The following CAMTA1 variants were observed in gnomAD, a reference collection of about 807,000 sequenced individuals.
CAMTA1 encodes calmodulin-binding transcription activator 1.
CAMTA1 carries 27 observed loss-of-function variants against 170.9 expected under a neutral mutation model. That is an observed-to-expected ratio of 0.16 (90% CI 0.12 to 0.22). The LOEUF (loss-of-function observed/expected upper bound fraction) is 0.22. Among genes scored for constraint, CAMTA1 ranks in the 10% least tolerant of loss-of-function variants. The probability of loss-of-function intolerance (pLI) is 1.00; values close to 1 mark genes in which losing one functional copy is unlikely to be tolerated. For missense variants in CAMTA1, 1,619 were observed against 2,217.2 expected (o/e 0.73, Z 5.42); for synonymous variants, 833 against 891.5 (o/e 0.93, Z 1.17).
intron 6 of CAMTA1, among the ~76,000 whole-genome samples, chr1:7,578,995 C>T (rs1229369985): frequency 1.3e-5 from 2 of 152,224 alleles, no homozygotes; most frequent in African/African-American, 4.8e-5. Flanking sequence ...ACTACCCCTG[C>T]TCCAGGGAGC....
intron 3 of CAMTA1, among the ~76,000 whole-genome samples, chr1:7,019,056 G>T (rs569242785): frequency 6.6e-6 from 1 of 152,208 alleles, no homozygotes; most frequent in Admixed American, 6.5e-5. Flanking sequence ...GTGGATGCCC[G>T]CATGCCTTTG....
At chr1:7,390,274 C>T (rs2088544821) in intron 5 of CAMTA1, among the ~76,000 whole-genome samples, 1 of 152,182 alleles carries the variant, frequency 6.6e-6, no homozygotes. Context: ...ACACAACCCG[C>T]CCAGGGTGCC....
chr1:6,806,226 A>G (rs77821367), intron 1 of CAMTA1, among the ~76,000 whole-genome samples: 26 of 152,320 alleles, frequency 1.7e-4, no homozygotes, highest in South Asian at 8.3e-4. Context: ...CTATATGTCT[A>G]TCTTTGTGCC....
In CAMTA1 at chr1:7,310,647, T is replaced by TTCTTTC. The variant is rs1553129423; in HGVS notation, c.438+61022_438+61023insCTTTCT. On this transcript the variant is annotated intron_variant, in intron 5 of 22. Coordinates refer to ENST00000303635, the MANE Select transcript of CAMTA1 (RefSeq NM_015215.4). ...TTCTTTCTTTCTTTCTTTCTTTCTT[T>TTCTTTC]TTTCTTTCTTTCTTTCTTTCTTTCC... is the stretch of plus-strand genomic sequence containing the variant. Among the ~76,000 whole-genome samples, 105 of 49,174 alleles carry TTCTTTC rather than the reference T, an allele frequency of 2.1e-3. 4 individuals are homozygous for TTCTTTC. The highest frequency in any genetic ancestry group is 8.1e-3 in the African/African-American group (102 of 12,572). 32.3% of individuals were successfully genotyped at this position (49,174 alleles called of 152,430 possible).
intron 3 of CAMTA1, among the ~76,000 whole-genome samples, chr1:6,921,059 T>C (rs1435693111): frequency 6.6e-6 from 1 of 152,262 alleles, no homozygotes. Flanking sequence ...AAAATGGGAT[T>C]TTCTTTTCAA....
rs56182115 is a variant in CAMTA1 at position 7,501,618 on chromosome 1, GT to G, written c.510+33727del. 4.0e-5 allele frequency among the ~76,000 whole-genome samples: 6 copies of G among 149,530 alleles called. No homozygotes were observed. In the East Asian group the frequency reaches 5.9e-4, roughly 15 times the overall value. ...ACTTTTGAAATTCGGATAAACAACAGTTTTTTTTTTATTTTAGTCTAGGTAT... is the reference window on the plus strand; with the variant it reads ...ACTTTTGAAATTCGGATAAACAACAGTTTTTTTTTATTTTAGTCTAGGTAT... On this transcript the variant is annotated intron_variant, in intron 6 of 22. Transcript: ENST00000303635.
At chr1:7,667,707 C>T (rs995697836) in intron 9 of CAMTA1, among the ~76,000 whole-genome samples, 3 of 152,180 alleles carry the variant, frequency 2.0e-5, no homozygotes, top group Non-Finnish European at 2.9e-5. Flanking sequence ...TTCAGCAGCT[C>T]GCCACACGAG....
intron 4 of CAMTA1, among the ~76,000 whole-genome samples, chr1:7,220,963 C>T (rs1660643241): frequency 6.6e-6 from 1 of 152,222 alleles, no homozygotes; most frequent in East Asian, 1.9e-4. Flanking sequence ...GGAGGTCTCC[C>T]TCCCACCTGG....
intron 5 of CAMTA1, among the ~76,000 whole-genome samples, chr1:7,322,046 C>T (rs1325851390): frequency 6.6e-6 from 1 of 152,122 alleles, no homozygotes; most frequent in East Asian, 1.9e-4. Context: ...CTTCTGCAGG[C>T]CTGGAAGATT....
At chr1:7,625,462 G>T (rs1345274485) in intron 6 of CAMTA1, among the ~76,000 whole-genome samples, 2 of 152,208 alleles carry the variant, frequency 1.3e-5, no homozygotes, top group Non-Finnish European at 2.9e-5. Flanking sequence ...GCTTAGAGTT[G>T]CCCCTGCCCT....
At chr1:7,457,083 G>A (rs910198751) in intron 5 of CAMTA1, among the ~76,000 whole-genome samples, 4 of 93,266 alleles carry the variant, frequency 4.3e-5, no homozygotes, top group East Asian at 3.5e-4. Flanking sequence ...CGCCCCCTGC[G>A]CCAACGTGCC....
chr1:6,936,591 A>G (rs1685345559), intron 3 of CAMTA1, among the ~76,000 whole-genome samples: 1 of 152,190 alleles, frequency 6.6e-6, no homozygotes, highest in Admixed American at 6.5e-5. Flanking sequence ...CCTGCAGGAC[A>G]TGAGAACTGG....
At chr1:7,466,482 A>G (rs936834441) in intron 5 of CAMTA1, among the ~76,000 whole-genome samples, 15 of 152,222 alleles carry the variant, frequency 9.9e-5, no homozygotes, top group African/African-American at 3.6e-4. Flanking sequence ...CAGGGCTCCG[A>G]TGGACTCCTA....
At chr1:7,174,733 G>A (rs764268790) in intron 4 of CAMTA1, among the ~76,000 whole-genome samples, 5 of 152,172 alleles carry the variant, frequency 3.3e-5, no homozygotes, top group Non-Finnish European at 7.4e-5. Flanking sequence ...GGTGGCCCTG[G>A]GGGGCCTGGG....
intron 5 of CAMTA1, among the ~76,000 whole-genome samples, chr1:7,422,380 C>T (rs2091620775): frequency 6.6e-6 from 1 of 151,904 alleles, no homozygotes; most frequent in South Asian, 2.1e-4. Context: ...GGGAAGCCAC[C>T]CTGGAGGAGA....
intron 4 of CAMTA1, among the ~76,000 whole-genome samples, chr1:7,102,086 C>T (rs978483388): frequency 1.3e-5 from 2 of 151,162 alleles, no homozygotes; most frequent in African/African-American, 4.9e-5. Flanking sequence ...CTGTATTGGT[C>T]ACTGTTCTCT....
At chr1:7,449,879 A>G (rs535332572) in intron 5 of CAMTA1, among the ~76,000 whole-genome samples, 1 of 151,830 alleles carries the variant, frequency 6.6e-6, no homozygotes, top group Non-Finnish European at 1.5e-5. Context: ...TATGAGCCTG[A>G]CTCCTTGCTC....
At chr1:7,705,082 G>A (rs1344076048) in intron 11 of CAMTA1, among the ~76,000 whole-genome samples, 1 of 150,932 alleles carries the variant, frequency 6.6e-6, no homozygotes, top group Non-Finnish European at 1.5e-5. Context: ...GAGGGCGTGC[G>A]CGGACCGGGC....
In CAMTA1 at chr1:7,428,106, C is replaced by T. The variant is rs765150013; in HGVS notation, c.439-39724C>T. On this transcript the variant is annotated intron_variant, in intron 5 of 22. Coordinates refer to ENST00000303635, the MANE Select transcript of CAMTA1 (RefSeq NM_015215.4). The stretch of plus-strand genomic sequence containing the variant: ...TGTGTCTGAAAGGTTCTGGCCAGCA[C>T]GCAGAAGTGCTATCTGGAGGGAGGG... 1.7e-4 allele frequency among the ~76,000 whole-genome samples: 26 copies of T among 152,022 alleles called. 1 individual carries two copies. The highest frequency in any genetic ancestry group is 2.5e-4 in the Non-Finnish European group (17 of 68,030).
Sources: gnomAD v4.1 joint callset for allele counts (sites outside exome capture counted in the v4.1 genomes callset) on GRCh38, gnomAD v4.1.1 for gene constraint, MANE v1.5 for transcripts, NCBI Gene and HGNC (gene_info 2026-07-23, HGNC 2026-07-21) for gene names.